DAW1: variants seen among roughly 807,000 people sequenced by gnomAD.
DAW1 encodes dynein assembly factor with WD repeat domains 1.
Under a neutral mutation model 56.5 loss-of-function variants are expected in DAW1, and 47 were observed. That is an observed-to-expected ratio of 0.83 (90% CI 0.66 to 1.06). DAW1 has a LOEUF of 1.06. Ranked by LOEUF, DAW1 falls within the 50% of genes least tolerant of loss-of-function variation. The pLI, the probability that DAW1 is intolerant of heterozygous loss-of-function variation, is 0.00. For missense variants in DAW1, 505 were observed against 499.3 expected (o/e 1.01, Z -0.11); for synonymous variants, 190 against 179.0 (o/e 1.06, Z -0.49).
intron 8 of DAW1, among the ~76,000 whole-genome samples, chr2:227,905,282 G>C (rs1691652243): frequency 3.3e-5 from 5 of 152,122 alleles, no homozygotes. Context: ...CAATAGTCTG[G>C]TTATATAGCT....
chr2:227,876,472 T>A, intron 1 of DAW1: 1 of 1,303,052 alleles, frequency 7.7e-7, no homozygotes, highest in South Asian at 1.2e-5. Flanking sequence ...TATGCAAGTT[T>A]CCAAGATACT....
chr2:227,879,988 A>G (rs547095260), intron 1 of DAW1, among the ~76,000 whole-genome samples: 2 of 152,326 alleles, frequency 1.3e-5, no homozygotes, highest in South Asian at 2.1e-4. Flanking sequence ...TCACATTTCA[A>G]AAAGTAAAAT....
At chr2:227,917,278 T>A (rs2106215537) in intron 10 of DAW1, among the ~76,000 whole-genome samples, 1 of 151,980 alleles carries the variant, frequency 6.6e-6, no homozygotes, top group East Asian at 1.9e-4. Flanking sequence ...TTTTTTTTTT[T>A]TAGATGGAGT....
chr2:227,921,330 TTTTGCTGA>T, intron 11 of DAW1, 61 bp from the exon 12 acceptor site: 1 of 460,322 alleles, frequency 2.2e-6, no homozygotes, highest in Non-Finnish European at 3.2e-6. Flanking sequence ...TTTTTTTTTT[TTTTGCTGA>T]TAAGAAATGT....
intron 2 of DAW1, among the ~76,000 whole-genome samples, chr2:227,886,957 G>A (rs897839588): frequency 1.3e-5 from 2 of 152,194 alleles, no homozygotes; most frequent in Admixed American, 6.5e-5. Context: ...GAGACCGTAA[G>A]CAAAAGGAGC....
intron 12 of DAW1, among the ~76,000 whole-genome samples, chr2:227,923,521 G>A (rs1692155694): frequency 6.6e-6 from 1 of 152,176 alleles, no homozygotes; most frequent in Non-Finnish European, 1.5e-5. Context: ...ATTTTGAAAT[G>A]TTCCAAAGTG....
chr2:227,921,981 G>A (rs575506423), intron 12 of DAW1, among the ~76,000 whole-genome samples: 5 of 152,094 alleles, frequency 3.3e-5, no homozygotes, highest in African/African-American at 7.2e-5. Flanking sequence ...GTGAGACCCC[G>A]TCTCTACAAA....
In DAW1 at chr2:227,882,992, C is replaced by T. The variant is rs139965855; in HGVS notation, c.41-2359C>T. Reference sequence around the variant, plus strand: ...GCAGTTCTTTATAGCAATATAAAAACAAACTAATACAGTTGTCTTAAGGAA... The same window carrying T: ...GCAGTTCTTTATAGCAATATAAAAATAAACTAATACAGTTGTCTTAAGGAA... On this transcript the variant is annotated intron_variant, in intron 1 of 12. Coordinates refer to ENST00000309931, the MANE Select transcript of DAW1 (RefSeq NM_178821.3). Among the ~76,000 whole-genome samples, 884 of 152,232 alleles carry T rather than the reference C, an allele frequency of 5.8e-3. 4 individuals are homozygous for T. The highest frequency in any genetic ancestry group is 0.01 in the Non-Finnish European group (698 of 67,996).
chr2:227,914,330 T>TA (rs1482664228), intron 10 of DAW1, among the ~76,000 whole-genome samples: 2 of 152,120 alleles, frequency 1.3e-5, no homozygotes, highest in Non-Finnish European at 2.9e-5. Flanking sequence ...TATAATACTA[T>TA]ATGCACCATC....
chr2:227,919,496 A>G (rs1469097605), intron 11 of DAW1, among the ~76,000 whole-genome samples: 19 of 152,218 alleles, frequency 1.2e-4, no homozygotes, highest in Non-Finnish European at 1.5e-5. Flanking sequence ...CGGTAAACAC[A>G]TAAGTTTATG....
At chr2:227,895,819 T>A (rs574524566) in intron 5 of DAW1, among the ~76,000 whole-genome samples, 1 of 152,154 alleles carries the variant, frequency 6.6e-6, no homozygotes, top group African/African-American at 2.4e-5. Flanking sequence ...GAAGGATAGC[T>A]CTGGCAGACA....
At chr2:227,913,002 A>G (rs1021343454) in intron 10 of DAW1, among the ~76,000 whole-genome samples, 2 of 152,198 alleles carry the variant, frequency 1.3e-5, no homozygotes, top group Non-Finnish European at 2.9e-5. Context: ...AAATGTTACA[A>G]AGGAGCTTGA....
rs142952986 is a variant in DAW1 at position 227,893,839 on chromosome 2, C to T, written c.362C>T (p.Thr121Ile). 562 of 1,613,940 alleles carry T rather than the reference C, an allele frequency of 3.5e-4. 7 individuals carry two copies. The East Asian group carries it at 9.6e-3, about 28-fold the overall frequency. The stretch of plus-strand genomic sequence containing the variant: ...GATCGGACGTGCAAGCTCTGGGACA[C>T]TGCGTCTGGAGAGGAGCTGAACACG... ...SYDRTCKLWDTASGEELNTLE... is the reference protein window; with the variant it reads ...SYDRTCKLWDIASGEELNTLE... Residue 121 changes from threonine (T) to isoleucine (I), a missense_variant, in exon 5 of 13, where the codon ACT (threonine) becomes ATT (isoleucine). Physicochemically the swap from Thr to Ile is moderately conservative, Grantham distance 89. Transcript: ENST00000309931.
intron 1 of DAW1, among the ~76,000 whole-genome samples, chr2:227,873,887 G>A (rs973482670): frequency 1.7e-4 from 26 of 152,174 alleles, no homozygotes; most frequent in African/African-American, 6.0e-4. Flanking sequence ...CACCATGTTG[G>A]CCAGGCTGGT....
chr2:227,895,143 GTTCT>G (rs1439505072), intron 5 of DAW1, among the ~76,000 whole-genome samples: 2 of 152,122 alleles, frequency 1.3e-5, no homozygotes, highest in African/African-American at 4.8e-5. Context: ...GTATGTTTAA[GTTCT>G]TTAAGTTCTC....
intron 10 of DAW1, among the ~76,000 whole-genome samples, chr2:227,913,528 C>G (rs746743275): frequency 3.3e-5 from 5 of 152,176 alleles, no homozygotes; most frequent in Middle Eastern, 3.4e-3. Flanking sequence ...AGGTTATTTC[C>G]ATGAGGAAAA....
At chr2:227,912,562 C>T in intron 10 of DAW1, 1 of 1,201,584 alleles carries the variant, frequency 8.3e-7, no homozygotes, top group South Asian at 1.5e-5. Flanking sequence ...GAGGTCTGGA[C>T]ATTGCTACAC....
intron 10 of DAW1, among the ~76,000 whole-genome samples, chr2:227,918,199 CCAT>C (rs1469228698): frequency 6.9e-6 from 1 of 145,750 alleles, no homozygotes; most frequent in African/African-American, 2.5e-5. Context: ...ATCCATCCAT[CCAT>C]CCATCCATCC....
At chr2:227,917,134 A>ATCTGTCTG (rs1345276074) in intron 10 of DAW1, among the ~76,000 whole-genome samples, 5 of 137,190 alleles carry the variant, frequency 3.6e-5, no homozygotes, top group South Asian at 4.8e-4. Flanking sequence ...CTATCTATCT[A>ATCTGTCTG]TCTATCTATC....
Sources: allele counts gnomAD v4.1 joint callset (sites outside exome capture counted in the v4.1 genomes callset), GRCh38; gene constraint gnomAD v4.1.1; transcripts MANE v1.5; gene names NCBI Gene and HGNC (gene_info 2026-07-23, HGNC 2026-07-21).